Variants in ZNF704 observed in about 807,000 individuals in gnomAD.
The protein encoded by ZNF704 is zinc finger protein 704.
Under a neutral mutation model 44.7 loss-of-function variants are expected in ZNF704, and 10 were observed. That is an observed-to-expected ratio of 0.22 (90% CI 0.14 to 0.38). The LOEUF is 0.38. Ranked by LOEUF, ZNF704 falls within the 10% of genes least tolerant of loss-of-function variation. ZNF704 has a pLI of 1.00. For missense variants in ZNF704, 390 were observed against 545.5 expected (o/e 0.71, Z 2.84); for synonymous variants, 211 against 207.6 (o/e 1.02, Z -0.14).
intron 2 of ZNF704, among the ~76,000 whole-genome samples, chr8:80,802,531 C>T (rs116610598): frequency 0.013 from 1,969 of 152,182 alleles, 42 homozygotes; most frequent in African/African-American, 0.045. Flanking sequence ...AAGGTCGGTT[C>T]GACATACACA....
chr8:80,804,033 C>T (rs1807945377), intron 2 of ZNF704, among the ~76,000 whole-genome samples: 1 of 152,014 alleles, frequency 6.6e-6, no homozygotes, highest in South Asian at 2.1e-4. Context: ...TGAAAAGACA[C>T]CTCTCAAAAG....
chr8:80,663,160 G>T (rs569065478), intron 6 of ZNF704, among the ~76,000 whole-genome samples: 9 of 152,200 alleles, frequency 5.9e-5, no homozygotes, highest in Non-Finnish European at 8.8e-5. Context: ...TGGGAGGACT[G>T]CTTGAAGACA....
chr8:80,790,491 C>A (rs1807685801), intron 2 of ZNF704, among the ~76,000 whole-genome samples: 1 of 152,162 alleles, frequency 6.6e-6, no homozygotes, highest in South Asian at 2.1e-4. Context: ...TAAATACACA[C>A]ACACATACAT....
At chr8:80,802,532 G>A (rs766558278) in intron 2 of ZNF704, among the ~76,000 whole-genome samples, 13 of 152,012 alleles carry the variant, frequency 8.6e-5, no homozygotes, top group African/African-American at 2.2e-4. Context: ...AGGTCGGTTC[G>A]ACATACACAA....
At chr8:80,759,459 G>C (rs890964161) in intron 2 of ZNF704, among the ~76,000 whole-genome samples, 1 of 152,006 alleles carries the variant, frequency 6.6e-6, no homozygotes, top group Non-Finnish European at 1.5e-5. Context: ...AGTGTGGCAG[G>C]ACCTACGACT....
chr8:80,833,354 A>G (rs111274792), intron 1 of ZNF704, among the ~76,000 whole-genome samples: 1 of 152,354 alleles, frequency 6.6e-6, no homozygotes, highest in East Asian at 1.9e-4. Context: ...GTCTCAAAAA[A>G]AAGAGAAAAA....
rs200356050 is a variant in ZNF704 at position 80,801,750 on chromosome 8, C to T, written c.221+19624G>A. Among the ~76,000 whole-genome samples, 34 of 151,922 alleles carry T rather than the reference C, an allele frequency of 2.2e-4. No individual in the cohort carries two copies. In the East Asian group the frequency reaches 5.6e-3, roughly 25 times the overall value. The stretch of plus-strand genomic sequence containing the variant: ...AATTAATAACCTAAAAGAACTAAGT[C>T]GCAACTAAAAGAACTAGAGAACCAA... On this transcript the variant is annotated intron_variant, in intron 2 of 8. Coordinates refer to ENST00000327835, the MANE Select transcript of ZNF704 (RefSeq NM_001033723.3).
chr8:80,841,600 A>T (rs1808680886), intron 1 of ZNF704, among the ~76,000 whole-genome samples: 1 of 152,224 alleles, frequency 6.6e-6, no homozygotes, highest in Non-Finnish European at 1.5e-5. Context: ...TTAATATGTC[A>T]TATAAAAATA....
chr8:80,688,225 G>C (rs1818574477), intron 3 of ZNF704, among the ~76,000 whole-genome samples: 2 of 151,528 alleles, frequency 1.3e-5, no homozygotes, highest in African/African-American at 4.8e-5. Flanking sequence ...AAGTTGGGGG[G>C]TGGGGGGTTC....
At chr8:80,726,148 C>A (rs990718007) in intron 2 of ZNF704, among the ~76,000 whole-genome samples, 1 of 151,982 alleles carries the variant, frequency 6.6e-6, no homozygotes, top group African/African-American at 2.4e-5. Flanking sequence ...AAAATTAATA[C>A]ATATTTATTA....
intron 1 of ZNF704, among the ~76,000 whole-genome samples, chr8:80,837,163 C>G (rs1314794265): frequency 2.6e-5 from 4 of 152,034 alleles, no homozygotes; most frequent in Non-Finnish European, 5.9e-5. Flanking sequence ...GCTAAAAGCA[C>G]TTTCCTAAGC....
At chr8:80,796,272 G>C (rs1485623426) in intron 2 of ZNF704, among the ~76,000 whole-genome samples, 5 of 152,210 alleles carry the variant, frequency 3.3e-5, no homozygotes, top group Admixed American at 6.5e-5. Flanking sequence ...ATCACGTGTT[G>C]AGGGGCCTGA....
chr8:80,779,425 T>C (rs966219572), intron 2 of ZNF704, among the ~76,000 whole-genome samples: 1 of 152,150 alleles, frequency 6.6e-6, no homozygotes, highest in African/African-American at 2.4e-5. Flanking sequence ...TGGGTTATTC[T>C]TAACAAGTTT....
At chr8:80,856,508 ATATC>A (rs1808964475) in intron 1 of ZNF704, among the ~76,000 whole-genome samples, 1 of 152,162 alleles carries the variant, frequency 6.6e-6, no homozygotes, top group African/African-American at 2.4e-5. Context: ...TTTTACATTT[ATATC>A]TATGATCCAT....
chr8:80,819,866 AAAT>A (rs1808240098), intron 2 of ZNF704, among the ~76,000 whole-genome samples: 1 of 152,202 alleles, frequency 6.6e-6, no homozygotes, highest in Non-Finnish European at 1.5e-5. Context: ...CAATGGGAGA[AAAT>A]AATAATTTTC....
At chr8:80,771,853 G>A in intron 2 of ZNF704, among the ~76,000 whole-genome samples, 1 of 152,254 alleles carries the variant, frequency 6.6e-6, no homozygotes, top group Middle Eastern at 3.4e-3. Flanking sequence ...GGTTTAGGAA[G>A]TTCCTTCTAT....
At chr8:80,778,669 T>C (rs1436842059) in intron 2 of ZNF704, among the ~76,000 whole-genome samples, 1 of 152,160 alleles carries the variant, frequency 6.6e-6, no homozygotes, top group Non-Finnish European at 1.5e-5. Context: ...CGGAATACTA[T>C]GCAGCCATAA....
chr8:80,747,978 G>C (rs1806875691), intron 2 of ZNF704, among the ~76,000 whole-genome samples: 1 of 152,172 alleles, frequency 6.6e-6, no homozygotes, highest in Non-Finnish European at 1.5e-5. Context: ...GCCTCCCAAA[G>C]TGCCAGGATT....
chr8:80,651,913 G>C (rs1198025524), intron 7 of ZNF704, among the ~76,000 whole-genome samples: 1 of 152,062 alleles, frequency 6.6e-6, no homozygotes, highest in African/African-American at 2.4e-5. Flanking sequence ...CCACATAGTT[G>C]GAAGTAAAGC....
Sources: gnomAD v4.1 joint callset for allele counts (sites outside exome capture counted in the v4.1 genomes callset) on GRCh38, gnomAD v4.1.1 for gene constraint, MANE v1.5 for transcripts, NCBI Gene and HGNC (gene_info 2026-07-23, HGNC 2026-07-21) for gene names.